ATF6: variants seen among roughly 807,000 people sequenced by gnomAD.
ATF6 encodes the protein cyclic AMP-dependent transcription factor ATF-6 alpha.
In ATF6, 53 loss-of-function variants were observed where a neutral mutation model predicts 83.6. The ratio of observed to expected loss-of-function variants is 0.63; its 90% CI spans 0.51 to 0.80. ATF6 has a LOEUF of 0.80. ATF6 is among the 30% of genes least tolerant of loss of function. The pLI is 0.00. For synonymous variants in ATF6, 288 were observed against 285.8 expected (o/e 1.01, Z -0.08); for missense variants, 744 against 797.9 (o/e 0.93, Z 0.81).
intron 15 of ATF6, among the ~76,000 whole-genome samples, chr1:161,913,025 GAA>G (rs1688022129): frequency 6.6e-6 from 1 of 152,142 alleles, no homozygotes; most frequent in African/African-American, 2.4e-5. Flanking sequence ...GAAATCTAGT[GAA>G]AAGAGATTAC....
chr1:161,850,934 T>C (rs1366727847), intron 10 of ATF6, among the ~76,000 whole-genome samples: 1 of 152,174 alleles, frequency 6.6e-6, no homozygotes, highest in African/African-American at 2.4e-5. Context: ...ACGTCACACC[T>C]TGGATATGAA....
At chr1:161,946,819 A>T (rs1338409715) in intron 15 of ATF6, among the ~76,000 whole-genome samples, 1 of 152,246 alleles carries the variant, frequency 6.6e-6, no homozygotes, top group African/African-American at 2.4e-5. Context: ...AATGAAAGCA[A>T]AAAACTTCTC....
At chr1:161,954,682 C>T (rs987766038) in intron 15 of ATF6, among the ~76,000 whole-genome samples, 1 of 152,184 alleles carries the variant, frequency 6.6e-6, no homozygotes, top group African/African-American at 2.4e-5. Flanking sequence ...AGTTTTTCCA[C>T]CTCCAATGTC....
At chr1:161,854,192 T>C (rs905143590) in intron 12 of ATF6, among the ~76,000 whole-genome samples, 2 of 152,204 alleles carry the variant, frequency 1.3e-5, no homozygotes, top group African/African-American at 4.8e-5. Context: ...CTAGCTGTTA[T>C]AACAGCCCCA....
intron 15 of ATF6, among the ~76,000 whole-genome samples, chr1:161,922,955 G>A (rs1688242554): frequency 6.6e-6 from 1 of 152,140 alleles, no homozygotes; most frequent in Middle Eastern, 3.2e-3. Flanking sequence ...CATGTAAAGA[G>A]ATCACTCTAT....
chr1:161,862,900 C>A (rs369931768), intron 13 of ATF6, among the ~76,000 whole-genome samples: 13 of 152,224 alleles, frequency 8.5e-5, no homozygotes, highest in Admixed American at 2.6e-4. Flanking sequence ...ATGCAGAAAT[C>A]TCTCTATTTT....
chr1:161,839,067 A>T (rs1473019484), intron 9 of ATF6, among the ~76,000 whole-genome samples: 1 of 152,156 alleles, frequency 6.6e-6, no homozygotes, highest in African/African-American at 2.4e-5. Flanking sequence ...AAATGGTGTA[A>T]TAGTGACTTC....
At chr1:161,921,490 G>A (rs1465633623) in intron 15 of ATF6, among the ~76,000 whole-genome samples, 1 of 151,988 alleles carries the variant, frequency 6.6e-6, no homozygotes, top group Non-Finnish European at 1.5e-5. Context: ...TGGGAAGAAA[G>A]GAAAAATTTC....
At chr1:161,794,366 C>A (rs1436703464) in intron 6 of ATF6, among the ~76,000 whole-genome samples, 1 of 152,098 alleles carries the variant, frequency 6.6e-6, no homozygotes, top group Admixed American at 6.5e-5. Flanking sequence ...AATATGTTAC[C>A]ATTGAAAAAG....
At chr1:161,943,687 A>G (rs1041432274) in intron 15 of ATF6, among the ~76,000 whole-genome samples, 4 of 151,968 alleles carry the variant, frequency 2.6e-5, no homozygotes, top group South Asian at 2.1e-4. Context: ...CTGCTTGACT[A>G]GCTCCCCCAG....
Position 161,821,092 on chromosome 1 carries a change from G to A in ATF6, c.1118G>A (p.Ser373Asn). The change falls in exon 9 of 16, where the codon AGT becomes AAT. Residue 373 changes from serine to asparagine, a missense_variant. By Grantham distance (46) the Ser-to-Asn change is conservative (BLOSUM62 1). Coordinates refer to ENST00000367942, the MANE Select transcript of ATF6 (RefSeq NM_007348.4). ...VSENQRLKVP[S>N]PKRRVVCVMI... ...TAGAACCAGAGGCTTAAAGTCCCTAGTCCAAAGCGAAGAGTTGTCTGTGTG... is the reference window on the plus strand; with the variant it reads ...TAGAACCAGAGGCTTAAAGTCCCTAATCCAAAGCGAAGAGTTGTCTGTGTG... 1 of 1,612,874 alleles carries A rather than the reference G, an allele frequency of 6.2e-7. No homozygotes were observed. The highest frequency in any genetic ancestry group is 8.5e-7 in the Non-Finnish European group (1 of 1,179,314).
intron 9 of ATF6, among the ~76,000 whole-genome samples, chr1:161,822,394 T>C (rs1484701483): frequency 6.6e-6 from 1 of 152,160 alleles, no homozygotes; most frequent in African/African-American, 2.4e-5. Flanking sequence ...CACATGCTGC[T>C]GAGAGCTTGG....
rs191196432 is a variant in ATF6, at chr1:161,928,334, G to A, written c.1804+15954G>A. Among the ~76,000 whole-genome samples, 747 of 152,192 alleles carry A rather than the reference G, an allele frequency of 4.9e-3. 5 individuals are homozygous for A. The highest frequency in any genetic ancestry group is 0.017 in the African/African-American group (711 of 41,524). On this transcript the variant is annotated intron_variant, in intron 15 of 15. Coordinates refer to ENST00000367942, the MANE Select transcript of ATF6 (RefSeq NM_007348.4). The stretch of plus-strand genomic sequence containing the variant: ...AGTAACAGCTACTGTTTTATGTTCT[G>A]GTCATCTATTACATAAATATTTAAT...
chr1:161,863,288 A>G lies in ATF6; in HGVS notation c.1695A>G (p.Thr565=), dbSNP rs1246122005. 6.2e-7 allele frequency: 1 copy of G among 1,611,536 alleles called. No homozygotes were observed. Among genetic ancestry groups the G allele is most frequent in the Non-Finnish European group, 8.5e-7 (1 of 1,177,868 alleles). Residue 565 remains threonine, a synonymous_variant, in exon 14 of 16, where the codon ACA becomes ACG. Transcript: ENST00000367942. Reference sequence around the variant, plus strand: ...AAGCCATCCGCAGAAGGGGAGACACATTTTATGTTGTGTCATTTCGAAGGG... The same window carrying G: ...AAGCCATCCGCAGAAGGGGAGACACGTTTTATGTTGTGTCATTTCGAAGGG... ...FFEAIRRRGD[T]FYVVSFRRDH...
chr1:161,768,848 C>G lies in ATF6; in HGVS notation c.82+2406C>G, dbSNP rs111281737. 9.9e-3 allele frequency among the ~76,000 whole-genome samples: 1,502 copies of G among 152,054 alleles called. 8 individuals are homozygous for G. Among genetic ancestry groups the G allele is most frequent in the South Asian group, 0.017 (82 of 4,814 alleles). ...CTCCCAGGTGATGGGATTACAGGCTCAAGCCACTGTGTCTAGCCTTGATTT... is the reference window on the plus strand; with the variant it reads ...CTCCCAGGTGATGGGATTACAGGCTGAAGCCACTGTGTCTAGCCTTGATTT... On this transcript the variant is annotated intron_variant, in intron 1 of 15. Coordinates refer to ENST00000367942, the MANE Select transcript of ATF6 (RefSeq NM_007348.4).
intron 3 of ATF6, 71 bp from the exon 4 acceptor site, chr1:161,783,919 C>A: frequency 9.2e-7 from 1 of 1,091,046 alleles, no homozygotes; most frequent in Non-Finnish European, 1.4e-6. Flanking sequence ...TAGATTTTAC[C>A]TTCTTTCTTG....
chr1:161,792,392 A>T (rs1036643796), intron 6 of ATF6, 65 bp downstream of exon 6: 2 of 1,445,350 alleles, frequency 1.4e-6, no homozygotes, highest in African/African-American at 2.8e-5. Flanking sequence ...GTGTCATATG[A>T]TTTGTTTTAA....
At chr1:161,806,653 C>T (rs1685290406) in intron 7 of ATF6, among the ~76,000 whole-genome samples, 1 of 152,128 alleles carries the variant, frequency 6.6e-6, no homozygotes, top group South Asian at 2.1e-4. Context: ...CTCTGTATCA[C>T]CTTTTACCCT....
rs1029134930 is a variant in ATF6, at chr1:161,959,654, A to G, written c.*1000A>G. 1 of 131,900 alleles carries G rather than the reference A, an allele frequency of 7.6e-6. No individual in the cohort carries two copies. The highest frequency in any genetic ancestry group is 1.6e-5 in the Non-Finnish European group (1 of 63,712). 8.2% of individuals were successfully genotyped at this position (131,900 alleles called of 1,614,324 possible). On this transcript the variant is annotated 3_prime_UTR_variant, in exon 16 of 16. Coordinates refer to ENST00000367942, the MANE Select transcript of ATF6 (RefSeq NM_007348.4). ...CACTGCACTCCAGCCTGGGCGACAG[A>G]GCGAGACTCCGTCTCAAAAAAAAAA... is the stretch of plus-strand genomic sequence containing the variant.
Sources: gnomAD v4.1 joint callset for allele counts (sites outside exome capture counted in the v4.1 genomes callset) on GRCh38, gnomAD v4.1.1 for gene constraint, MANE v1.5 for transcripts, NCBI Gene and HGNC (gene_info 2026-07-23, HGNC 2026-07-21) for gene names.